The following PACRG variants were observed in gnomAD, a reference collection of about 807,000 sequenced individuals.
PACRG encodes the protein parkin coregulated.
PACRG carries 29 observed loss-of-function variants against 29.7 expected under a neutral mutation model. The ratio of observed to expected loss-of-function variants is 0.98; its 90% CI spans 0.73 to 1.33. The LOEUF (loss-of-function observed/expected upper bound fraction) is 1.33, where lower values mean the gene tolerates loss of function less well. Ranked by LOEUF, PACRG falls within the 40% of genes most tolerant of loss-of-function variation. PACRG has a pLI of 0.00. For missense variants in PACRG, 279 were observed against 316.2 expected (o/e 0.88, Z 0.89); for synonymous variants, 116 against 118.7 (o/e 0.98, Z 0.15).
chr6:163,301,426 G>A (rs539115539), intron 4 of PACRG, among the ~76,000 whole-genome samples: 1 of 152,168 alleles, frequency 6.6e-6, no homozygotes, highest in Non-Finnish European at 1.5e-5. Context: ...AAAGTCCTAC[G>A]ACCAAGTATC....
At chr6:162,947,649 C>A (rs4709659) in intron 2 of PACRG, among the ~76,000 whole-genome samples, 1 of 29,402 alleles carries the variant, frequency 3.4e-5, no homozygotes, top group East Asian at 7.6e-4. Context: ...TATATATATA[C>A]ACCCAAAGAT....
intron 1 of PACRG, among the ~76,000 whole-genome samples, chr6:162,791,956 C>T (rs1054476076): frequency 1.4e-5 from 2 of 139,700 alleles, no homozygotes; most frequent in Non-Finnish European, 3.2e-5. Flanking sequence ...AGCAGCCTTC[C>T]GAAGTCCCCT....
chr6:163,228,019 C>T (rs1781873267), intron 4 of PACRG, among the ~76,000 whole-genome samples: 1 of 152,078 alleles, frequency 6.6e-6, no homozygotes, highest in African/African-American at 2.4e-5. Flanking sequence ...CCACAATGAA[C>T]ATCAAAACAA....
intron 4 of PACRG, among the ~76,000 whole-genome samples, chr6:163,147,878 A>G (rs1336827655): frequency 6.6e-6 from 1 of 152,082 alleles, no homozygotes; most frequent in African/African-American, 2.4e-5. Context: ...TTCTTTACCA[A>G]CCAGAATAGA....
chr6:163,128,849 A>T (rs1346476546), intron 4 of PACRG, among the ~76,000 whole-genome samples: 3 of 152,248 alleles, frequency 2.0e-5, no homozygotes, highest in Non-Finnish European at 4.4e-5. Context: ...AGTTTCCAGA[A>T]GTAACTGCTC....
intron 2 of PACRG, among the ~76,000 whole-genome samples, chr6:163,053,567 C>A (rs1373596020): frequency 2.0e-5 from 3 of 152,080 alleles, no homozygotes; most frequent in Non-Finnish European, 2.9e-5. Flanking sequence ...TAAATGATTT[C>A]TAGTGAAATG....
At chr6:162,881,867 CCA>C in intron 2 of PACRG, among the ~76,000 whole-genome samples, 1 of 145,074 alleles carries the variant, frequency 6.9e-6, no homozygotes, top group African/African-American at 2.6e-5. Flanking sequence ...AGACCAGAGA[CCA>C]GGGGGCGCTC....
intron 4 of PACRG, among the ~76,000 whole-genome samples, chr6:163,282,645 G>C (rs958630735): frequency 6.6e-6 from 1 of 151,324 alleles, no homozygotes; most frequent in South Asian, 2.1e-4. Flanking sequence ...CTGGGAGGTG[G>C]AGGTTGAAAT....
intron 4 of PACRG, among the ~76,000 whole-genome samples, chr6:163,276,753 C>T (rs1002555146): frequency 2.0e-5 from 3 of 152,148 alleles, no homozygotes; most frequent in African/African-American, 4.8e-5. Context: ...ACTTTCACCA[C>T]GTGAGGACAC....
In PACRG at chr6:162,964,905, A is replaced by G. The variant is rs544796366; in HGVS notation, c.292-97245A>G. Among the ~76,000 whole-genome samples the G allele has an allele frequency of 5.3e-5, 8 of 152,308 alleles. No homozygotes were observed. In the East Asian group the frequency reaches 1.5e-3, roughly 29 times the overall value. On this transcript the variant is annotated intron_variant, in intron 2 of 4. Coordinates refer to ENST00000366888, the MANE Select transcript of PACRG (RefSeq NM_001080379.2). ...GGCTTCCTCTGGGAAATTCTCCAAG[A>G]GCTTTGAACATCTGAATGTAACGAC...
chr6:163,208,406 A>G (rs967918693), intron 4 of PACRG, among the ~76,000 whole-genome samples: 4 of 125,540 alleles, frequency 3.2e-5, no homozygotes, highest in Non-Finnish European at 4.9e-5. Context: ...TCTAAGCTAC[A>G]TTTTACTTTT....
intron 2 of PACRG, among the ~76,000 whole-genome samples, chr6:162,844,521 G>C (rs1379089176): frequency 6.6e-6 from 1 of 152,184 alleles, no homozygotes; most frequent in African/African-American, 2.4e-5. Flanking sequence ...GATGAACCCG[G>C]TACCTCCGAT....
At chr6:163,312,043 T>C (rs1311919927) in intron 4 of PACRG, among the ~76,000 whole-genome samples, 1 of 152,192 alleles carries the variant, frequency 6.6e-6, no homozygotes, top group South Asian at 2.1e-4. Context: ...TCTTTGTCCA[T>C]AAGGAACTTG....
At chr6:162,811,297 G>C (rs929523108) in intron 1 of PACRG, among the ~76,000 whole-genome samples, 1 of 152,094 alleles carries the variant, frequency 6.6e-6, no homozygotes. Context: ...CAGAAATGAA[G>C]AATGGATATC....
chr6:163,103,382 T>C (rs574055), intron 4 of PACRG, among the ~76,000 whole-genome samples: 73,239 of 151,986 alleles, frequency 0.48, 18,816 homozygotes, highest in African/African-American at 0.67. Flanking sequence ...CAATGGAGGG[T>C]TTCCTATCAC....
intron 2 of PACRG, among the ~76,000 whole-genome samples, chr6:163,033,861 G>A (rs1807901207): frequency 6.6e-6 from 1 of 152,154 alleles, no homozygotes; most frequent in Non-Finnish European, 1.5e-5. Flanking sequence ...CCAGTTTGCT[G>A]GGTCACCTTG....
At chr6:163,188,485 C>T (rs1356914504) in intron 4 of PACRG, among the ~76,000 whole-genome samples, 1 of 152,074 alleles carries the variant, frequency 6.6e-6, no homozygotes, top group Non-Finnish European at 1.5e-5. Flanking sequence ...GTGAGTCCAC[C>T]GTCTCCTTTA....
In PACRG at chr6:163,302,862, T is replaced by C. The variant is rs556321178; in HGVS notation, c.614-11965T>C. Among the ~76,000 whole-genome samples the C allele has an allele frequency of 2.6e-5, 4 of 152,306 alleles. No homozygotes were observed. The South Asian group carries it at 6.2e-4, about 24-fold the overall frequency. The stretch of plus-strand genomic sequence containing the variant: ...CAGTACATCAAGGCCATGAGAATCT[T>C]TTACTTTGTAGCTCTGTGCCCCGCT... On this transcript the variant is annotated intron_variant, in intron 4 of 4. Transcript: ENST00000366888.
chr6:163,141,939 C>T (rs1777550513), intron 4 of PACRG, among the ~76,000 whole-genome samples: 1 of 152,048 alleles, frequency 6.6e-6, no homozygotes, highest in South Asian at 2.1e-4. Context: ...GAGAATTCTG[C>T]ACCCAGTAGC....
Sources: gnomAD v4.1 joint callset for allele counts (sites outside exome capture counted in the v4.1 genomes callset) on GRCh38, gnomAD v4.1.1 for gene constraint, MANE v1.5 for transcripts, NCBI Gene and HGNC (gene_info 2026-07-23, HGNC 2026-07-21) for gene names.